The following TSBP1 variants were observed in gnomAD, a reference collection of about 807,000 sequenced individuals.
TSBP1 encodes testis expressed basic protein 1, also known as testis-expressed basic protein 1.
In TSBP1, 56 loss-of-function variants were observed where a neutral mutation model predicts 68.8. The observed-to-expected ratio is 0.81, with a 90% CI of 0.66 to 1.02. The LOEUF (loss-of-function observed/expected upper bound fraction) is 1.02. Ranked by LOEUF, TSBP1 falls within the 50% of genes least tolerant of loss-of-function variation. The pLI is 0.00. For missense variants in TSBP1, 502 were observed against 641.2 expected, an observed-to-expected ratio of 0.78 and a Z score of 2.34; for synonymous variants, 171 against 208.7, an observed-to-expected ratio of 0.82 and a Z score of 1.56.
intron 19 of TSBP1, among the ~76,000 whole-genome samples, chr6:32,305,364 C>G (rs560143473): frequency 2.6e-5 from 4 of 152,296 alleles, no homozygotes; most frequent in Admixed American, 2.0e-4. Flanking sequence ...GCCTTCAGGA[C>G]TCACATCTTA....
At chr6:32,366,490 G>A (rs370254106) in intron 4 of TSBP1, 188 bp from the exon 5 acceptor site, 58 of 665,410 alleles carry the variant, frequency 8.7e-5, no homozygotes, top group Non-Finnish European at 1.3e-4. Flanking sequence ...CGGGCCGGGC[G>A]TGGTGGCTCA....
In TSBP1 at chr6:32,343,389, A is replaced by G; in HGVS notation, c.350-3751T>C. 2.2e-6 allele frequency: 1 copy of G among 458,426 alleles called. No individual in the cohort carries two copies. Among genetic ancestry groups the G allele is most frequent in the Non-Finnish European group, 3.8e-6 (1 of 262,706 alleles). 28.4% of individuals were successfully genotyped at this position (458,426 alleles called of 1,614,324 possible). A position where few individuals can be genotyped will look rare whatever the true frequency, so the allele number is the denominator to read the frequency against. ...TCCATTCCCCTGTAGGTAGGCTCATAAAGTGGCCACACTTGCAAGTGATCC... is the reference window on the plus strand; with the variant it reads ...TCCATTCCCCTGTAGGTAGGCTCATGAAGTGGCCACACTTGCAAGTGATCC... On this transcript the variant is annotated intron_variant, in intron 9 of 22. Coordinates refer to ENST00000612031, the Ensembl canonical transcript of TSBP1. This position sits in a 1 kb window ranked among gnomAD's most constrained non-coding sequence, Gnocchi z 4.3.
rs1767588141 is a variant in TSBP1 at position 32,321,100 on chromosome 6, G to T, written c.559+2017C>A. Among the ~76,000 whole-genome samples the T allele has an allele frequency of 6.6e-6, 1 of 152,078 alleles. No individual in the cohort carries two copies. Among genetic ancestry groups the T allele is most frequent in the Non-Finnish European group, 1.5e-5 (1 of 68,020 alleles). ...CAGTCTACCATTGATGGGCATTTAG[G>T]TTGATTCCATGTATTTGCTATTGTG... is the stretch of plus-strand genomic sequence containing the variant. On this transcript the variant is annotated intron_variant, in intron 18 of 22. Transcript: ENST00000612031. The surrounding 1 kb of genome is among the most constrained non-coding windows in gnomAD (Gnocchi z 4.3).
At chr6:32,364,332 G>A (rs1418795299) in intron 6 of TSBP1, among the ~76,000 whole-genome samples, 2 of 151,302 alleles carry the variant, frequency 1.3e-5, no homozygotes, top group African/African-American at 4.9e-5. Flanking sequence ...CTTTTCCTCT[G>A]AGACTCCAAT....
intron 18 of TSBP1, among the ~76,000 whole-genome samples, chr6:32,322,786 G>A (rs1767775127): frequency 6.6e-6 from 1 of 152,116 alleles, no homozygotes; most frequent in Non-Finnish European, 1.5e-5. Flanking sequence ...GCATAGTGTT[G>A]GGAAAAGACC....
chr6:32,326,663 T>A (rs1028589368), intron 16 of TSBP1, among the ~76,000 whole-genome samples: 1 of 152,196 alleles, frequency 6.6e-6, no homozygotes, highest in Non-Finnish European at 1.5e-5. Flanking sequence ...TACAAGAGGA[T>A]CCTGTAGCTG....
rs1769842811 is a variant in TSBP1, at chr6:32,337,731, A to AG, written c.410-1097dup. Among the ~76,000 whole-genome samples, 1 of 152,092 alleles carries AG rather than the reference A, an allele frequency of 6.6e-6. No homozygotes were observed. The highest frequency in any genetic ancestry group is 1.5e-5 in the Non-Finnish European group (1 of 68,018). ...ACCTCTCTACACCTCATAGGCTATAAGTGATTCTCTCACCTTGGCCTCCCA... is the reference window on the plus strand; with the variant it reads ...ACCTCTCTACACCTCATAGGCTATAAGGTGATTCTCTCACCTTGGCCTCCCA... On this transcript the variant is annotated intron_variant, in intron 11 of 22. Transcript: ENST00000612031. This position sits in a 1 kb window ranked among gnomAD's most constrained non-coding sequence, Gnocchi z 5.5.
intron 18 of TSBP1, 56 bp from the exon 20 acceptor site, chr6:32,322,562 G>T: frequency 7.6e-7 from 1 of 1,315,124 alleles, no homozygotes; most frequent in Non-Finnish European, 1.1e-6. Context: ...AAAACACATA[G>T]TATTATCTAA....
rs1772444824 is a variant in TSBP1, at chr6:32,357,147, T to C, written c.218-1478A>G. ...GATGACTGAGATTTATAGGTTATGT[T>C]AGGGGGACTGGAAAGTCAGAGAAAT... is the stretch of plus-strand genomic sequence containing the variant. On this transcript the variant is annotated intron_variant, in intron 6 of 22. Transcript: ENST00000612031. This position sits in a 1 kb window ranked among gnomAD's most constrained non-coding sequence, Gnocchi z 4.7. Among the ~76,000 whole-genome samples, 1 of 152,162 alleles carries C rather than the reference T, an allele frequency of 6.6e-6. No homozygotes were observed. Among genetic ancestry groups the C allele is most frequent in the African/African-American group, 2.4e-5 (1 of 41,438 alleles).
intron 9 of TSBP1, among the ~76,000 whole-genome samples, chr6:32,346,763 G>A (rs772674731): frequency 1.4e-4 from 22 of 152,096 alleles, no homozygotes; most frequent in Non-Finnish European, 2.6e-4. Context: ...GCTTGAACCC[G>A]GGAGGTGGAG....
At position 32,315,642 on chromosome 6, in the gene TSBP1, C is replaced by T. The variant is rs1488726438; in HGVS notation, c.580+130G>A. ...AAAAAGTTTGTCTTGCAGTCCTAAT[C>T]TGGAGGACTTTGGGTAATGTAGAAG... On this transcript the variant is annotated intron_variant, in intron 19 of 22. Coordinates refer to ENST00000612031, the Ensembl canonical transcript of TSBP1. This position sits in a 1 kb window ranked among gnomAD's most constrained non-coding sequence, Gnocchi z 5.4. 6.9e-6 allele frequency: 4 copies of T among 578,810 alleles called. No homozygotes were observed. Among genetic ancestry groups the T allele is most frequent in the Non-Finnish European group, 3.0e-6 (1 of 337,436 alleles). 35.9% of individuals were successfully genotyped at this position (578,810 alleles called of 1,614,324 possible).
At chr6:32,324,468 T>C (rs1236345358) in intron 16 of TSBP1, 2 of 772,022 alleles carry the variant, frequency 2.6e-6, no homozygotes, top group Non-Finnish European at 4.4e-6. Flanking sequence ...CTGCAGGGGA[T>C]TGTAAATTGA....
chr6:32,303,365 A>G (rs1273746057), intron 19 of TSBP1, among the ~76,000 whole-genome samples: 1 of 150,938 alleles, frequency 6.6e-6, no homozygotes, highest in African/African-American at 2.4e-5. Flanking sequence ...GTTCATACAT[A>G]TGTAGAATTT....
In TSBP1 at chr6:32,358,178, T is replaced by C. The variant is rs865892564; in HGVS notation, c.218-2509A>G. Among the ~76,000 whole-genome samples, 47 of 152,318 alleles carry C rather than the reference T, an allele frequency of 3.1e-4. 1 individual carries two copies. Among genetic ancestry groups the C allele is most frequent in the African/African-American group, 1.1e-3 (46 of 41,590 alleles). ...ACATGTTAATTCTCCTCCCTTCTTA[T>C]AGTGTGTAGTTTTATTTTGCTTATC... On this transcript the variant is annotated intron_variant, in intron 6 of 22. Coordinates refer to ENST00000612031, the Ensembl canonical transcript of TSBP1.
chr6:32,300,098 G>A (rs114482543), intron 21 of TSBP1, among the ~76,000 whole-genome samples, 162 bp from the exon 25 acceptor site: 24 of 151,120 alleles, frequency 1.6e-4, no homozygotes, highest in Non-Finnish European at 3.1e-4. Context: ...GCTCCATATC[G>A]CACTCCACAC....
rs1198116327 is a variant in TSBP1, at chr6:32,357,161, A to G, written c.218-1492T>C. Among the ~76,000 whole-genome samples, 1 of 152,198 alleles carries G rather than the reference A, an allele frequency of 6.6e-6. No homozygotes were observed. The highest frequency in any genetic ancestry group is 6.5e-5 in the Admixed American group (1 of 15,280). On this transcript the variant is annotated intron_variant, in intron 6 of 22. Transcript: ENST00000612031. The surrounding 1 kb of genome is among the most constrained non-coding windows in gnomAD (Gnocchi z 4.7). ...ATAGGTTATGTTAGGGGGACTGGAA[A>G]GTCAGAGAAATAGTCATTTGGGTTT...
rs142194154 is a variant in TSBP1, at chr6:32,358,476, A to G, written c.218-2807T>C. On this transcript the variant is annotated intron_variant, in intron 6 of 22. Transcript: ENST00000612031. Reference sequence around the variant, plus strand: ...TATGTGCACAACGTGCAGTTTTGTTACATATGTATACATGTGCCATGTTGG... The same window carrying G: ...TATGTGCACAACGTGCAGTTTTGTTGCATATGTATACATGTGCCATGTTGG... Among the ~76,000 whole-genome samples, 379 of 152,218 alleles carry G rather than the reference A, an allele frequency of 2.5e-3. 7 individuals are homozygous for G. The highest frequency in any genetic ancestry group is 0.024 in the East Asian group (124 of 5,184).
chr6:32,343,246 C>G lies in TSBP1; in HGVS notation c.350-3608G>C. 3 of 1,411,204 alleles carry G rather than the reference C, an allele frequency of 2.1e-6. No individual in the cohort carries two copies. Among genetic ancestry groups the G allele is most frequent in the South Asian group, 1.7e-5 (1 of 59,824 alleles). 87.4% of individuals were successfully genotyped at this position (1,411,204 alleles called of 1,614,324 possible). A position where few individuals can be genotyped will look rare whatever the true frequency, so the allele number is the denominator to read the frequency against. On this transcript the variant is annotated intron_variant, in intron 9 of 22. Coordinates refer to ENST00000612031, the Ensembl canonical transcript of TSBP1. The surrounding 1 kb of genome is among the most constrained non-coding windows in gnomAD (Gnocchi z 4.3). ...CAAGAAGATAAACTTACTCATGGAT[C>G]CTTGAGGTAAAGCTAAAGAACAATA...
intron 19 of TSBP1, among the ~76,000 whole-genome samples, chr6:32,311,452 C>T (rs1766392483): frequency 6.6e-6 from 1 of 152,132 alleles, no homozygotes; most frequent in Admixed American, 6.5e-5. Context: ...TTCCCATTAC[C>T]CTCCTCAGCA....
Sources: allele counts gnomAD v4.1 joint callset (sites outside exome capture counted in the v4.1 genomes callset), GRCh38; gene constraint gnomAD v4.1.1; non-coding constraint Gnocchi (gnomAD v3.1); transcripts MANE v1.5; gene names NCBI Gene and HGNC (gene_info 2026-07-23, HGNC 2026-07-21).